The following PDE3B variants were observed in gnomAD, a reference collection of about 807,000 sequenced individuals.
PDE3B encodes cGMP-inhibited 3',5'-cyclic phosphodiesterase 3B.
PDE3B carries 66 observed loss-of-function variants against 116.8 expected under a neutral mutation model. The observed-to-expected ratio is 0.56, with a 90% CI of 0.46 to 0.69. PDE3B has a LOEUF of 0.69. Among genes scored for constraint, PDE3B ranks in the 30% least tolerant of loss-of-function variants. PDE3B has a pLI of 0.00. For missense variants in PDE3B, 1,384 were observed against 1,368.1 expected (o/e 1.01, Z -0.18); for synonymous variants, 595 against 533.6 (o/e 1.12, Z -1.59).
chr11:14,797,379 G>A (rs1405559514), intron 4 of PDE3B, among the ~76,000 whole-genome samples: 1 of 152,140 alleles, frequency 6.6e-6, no homozygotes, highest in African/African-American at 2.4e-5. Flanking sequence ...CTCCAGCTTT[G>A]TTCTTTTTGC....
rs545216211 is a variant in PDE3B at position 14,728,873 on chromosome 11, C to G, written c.979-43064C>G. Among the ~76,000 whole-genome samples the G allele has an allele frequency of 3.2e-3, 480 of 152,170 alleles. 2 individuals carry two copies. Among genetic ancestry groups the G allele is most frequent in the Admixed American group, 5.7e-3 (87 of 15,282 alleles). Reference sequence around the variant, plus strand: ...GCATGTTGACTCATTTATCAGAGTTCTGTAGAATAATTAAAAGTAATTATA... The same window carrying G: ...GCATGTTGACTCATTTATCAGAGTTGTGTAGAATAATTAAAAGTAATTATA... On this transcript the variant is annotated intron_variant, in intron 1 of 15. Transcript: ENST00000282096.
the PDE3B span, chr11:14,878,022 T>C: frequency 7.7e-7 from 1 of 1,299,118 alleles, no homozygotes; most frequent in Non-Finnish European, 1.1e-6. Flanking sequence ...GGCTTTTTGA[T>C]GCTGTGACTT....
At chr11:14,811,194 T>A (rs1219468330) in intron 5 of PDE3B, among the ~76,000 whole-genome samples, 1 of 152,074 alleles carries the variant, frequency 6.6e-6, no homozygotes, top group Non-Finnish European at 1.5e-5. Context: ...TTGTCAATTT[T>A]GGCTTTTGTT....
At chr11:14,736,736 A>G (rs1180038550) in intron 1 of PDE3B, among the ~76,000 whole-genome samples, 1 of 152,224 alleles carries the variant, frequency 6.6e-6, no homozygotes, top group East Asian at 1.9e-4. Context: ...GGAGATAGAT[A>G]CATGCCATTC....
chr11:14,832,108 T>G (rs1160068441), intron 9 of PDE3B, among the ~76,000 whole-genome samples: 2 of 152,134 alleles, frequency 1.3e-5, no homozygotes, highest in African/African-American at 4.8e-5. Context: ...TAAGCTTCAT[T>G]TTTTTCACCT....
chr11:14,767,776 C>T (rs1254534763), intron 1 of PDE3B, among the ~76,000 whole-genome samples: 2 of 151,182 alleles, frequency 1.3e-5, no homozygotes, highest in Non-Finnish European at 3.0e-5. Context: ...TCCTTTTTCC[C>T]TCTAAATATT....
chr11:14,728,730 T>A (rs940896876), intron 1 of PDE3B, among the ~76,000 whole-genome samples: 1 of 152,130 alleles, frequency 6.6e-6, no homozygotes, highest in South Asian at 2.1e-4. Flanking sequence ...TTCTATGTCA[T>A]AGCAGAATTC....
intron 12 of PDE3B, among the ~76,000 whole-genome samples, chr11:14,844,666 G>A (rs968246735): frequency 6.6e-6 from 1 of 152,216 alleles, no homozygotes; most frequent in African/African-American, 2.4e-5. Flanking sequence ...CTTAAAAAAC[G>A]GCGCACCAGG....
chr11:14,846,474 A>C (rs932460981), intron 12 of PDE3B, among the ~76,000 whole-genome samples: 1 of 152,228 alleles, frequency 6.6e-6, no homozygotes, highest in African/African-American at 2.4e-5. Context: ...GACAGGATCA[A>C]ATTCACACAT....
chr11:14,794,338 A>G (rs1176808310), intron 4 of PDE3B, among the ~76,000 whole-genome samples: 1 of 144,532 alleles, frequency 6.9e-6, no homozygotes, highest in Non-Finnish European at 1.5e-5. Flanking sequence ...TTTTTTTGAG[A>G]CAGAGTCTCA....
chr11:14,664,858 T>A (rs1446674252), intron 1 of PDE3B, among the ~76,000 whole-genome samples: 1 of 152,166 alleles, frequency 6.6e-6, no homozygotes, highest in Non-Finnish European at 1.5e-5. Context: ...GCTGGTACCA[T>A]TCCTCCTGAA....
At chr11:14,748,349 C>T (rs963687774) in intron 1 of PDE3B, among the ~76,000 whole-genome samples, 3 of 152,144 alleles carry the variant, frequency 2.0e-5, no homozygotes, top group African/African-American at 7.2e-5. Flanking sequence ...AAGCAGCATT[C>T]ATAAATTAAA....
At chr11:14,877,800 T>A in the PDE3B span, 1 of 246,020 alleles carries the variant, frequency 4.1e-6, no homozygotes. Flanking sequence ...GCAGATGGAG[T>A]CAAGAAGGGA....
intron 7 of PDE3B, among the ~76,000 whole-genome samples, chr11:14,828,621 C>CA (rs1859775605): frequency 1.3e-5 from 2 of 152,308 alleles, no homozygotes; most frequent in South Asian, 4.1e-4. Context: ...CACCATCTAA[C>CA]ACCAGTCAGA....
At chr11:14,804,987 G>A (rs2133935699) in intron 5 of PDE3B, among the ~76,000 whole-genome samples, 1 of 152,150 alleles carries the variant, frequency 6.6e-6, no homozygotes, top group East Asian at 1.9e-4. Flanking sequence ...CACAGAGAAG[G>A]AAAAATACAT....
intron 1 of PDE3B, among the ~76,000 whole-genome samples, chr11:14,755,064 A>C (rs1857149317): frequency 6.6e-6 from 1 of 152,226 alleles, no homozygotes; most frequent in Non-Finnish European, 1.5e-5. Flanking sequence ...CTTTTGCTGC[A>C]GACTTGATAA....
chr11:14,869,860 C>A lies in PDE3B; in HGVS notation c.*200C>A. 1 of 513,396 alleles carries A rather than the reference C, an allele frequency of 1.9e-6. No homozygotes were observed. The highest frequency in any genetic ancestry group is 3.1e-5 in the East Asian group (1 of 31,858). 31.8% of individuals were successfully genotyped at this position (513,396 alleles called of 1,614,324 possible). A position where few individuals can be genotyped will look rare whatever the true frequency, so the allele number is the denominator to read the frequency against. On this transcript the variant is annotated 3_prime_UTR_variant, in exon 16 of 16. Transcript: ENST00000282096. ...CTTTCACAGGAACTAGAAAACTATT[C>A]TTAAACCAAAAATACCATCCGTGTT...
chr11:14,789,144 G>GAGA lies in PDE3B; in HGVS notation c.1320_1322dup (p.Arg440dup), dbSNP rs1468584798. On this transcript the variant is annotated inframe_insertion, in exon 4 of 16. Coordinates refer to ENST00000282096, the MANE Select transcript of PDE3B (RefSeq NM_000922.4). Reference sequence around the variant, plus strand: ...ATAGTTTGCCAACTCCACAGCTGAGGAGAAGCTCAGGAACTTCAGGATTGC... The same window carrying GAGA: ...ATAGTTTGCCAACTCCACAGCTGAGGAGAAGAAGCTCAGGAACTTCAGGATTGC... 2 of 1,611,170 alleles carry GAGA rather than the reference G, an allele frequency of 1.2e-6. No homozygotes were observed. Among genetic ancestry groups the GAGA allele is most frequent in the Non-Finnish European group, 1.7e-6 (2 of 1,177,906 alleles).
chr11:14,688,685 T>C (rs1323269461), intron 1 of PDE3B, among the ~76,000 whole-genome samples: 1 of 152,230 alleles, frequency 6.6e-6, no homozygotes, highest in Non-Finnish European at 1.5e-5. Context: ...TTTTGGTGTC[T>C]TTGTGTAGGT....
Sources: gnomAD v4.1 joint callset for allele counts (sites outside exome capture counted in the v4.1 genomes callset) on GRCh38, gnomAD v4.1.1 for gene constraint, MANE v1.5 for transcripts, NCBI Gene and HGNC (gene_info 2026-07-23, HGNC 2026-07-21) for gene names.